CYP4B1: variants seen among roughly 807,000 people sequenced by gnomAD.
The protein encoded by CYP4B1 is cytochrome P450 family 4 subfamily B member 1.
In CYP4B1, 45 loss-of-function variants were observed where a neutral mutation model predicts 54.0. The ratio of observed to expected loss-of-function variants is 0.83; its 90% CI spans 0.66 to 1.07. The LOEUF (loss-of-function observed/expected upper bound fraction) is 1.07, where lower values mean the gene tolerates loss of function less well. CYP4B1 is among the 50% of genes least tolerant of loss of function. CYP4B1 has a pLI of 0.00. For synonymous variants in CYP4B1, 248 were observed against 247.5 expected, an observed-to-expected ratio of 1.00 and a Z score of -0.02; for missense variants, 656 against 655.4, an observed-to-expected ratio of 1.00 and a Z score of -0.01.
At chr1:46,808,287 C>T (rs892174319) in intron 1 of CYP4B1, among the ~76,000 whole-genome samples, 9 of 152,066 alleles carry the variant, frequency 5.9e-5, no homozygotes, top group Admixed American at 2.0e-4. Context: ...CCTATTTCTC[C>T]ACATCCTCTC....
chr1:46,809,040 A>T (rs1047105193), intron 1 of CYP4B1, among the ~76,000 whole-genome samples: 1 of 151,480 alleles, frequency 6.6e-6, no homozygotes, highest in Non-Finnish European at 1.5e-5. Flanking sequence ...TAGTGGGTGC[A>T]GCGCACCAGC....
intron 1 of CYP4B1, among the ~76,000 whole-genome samples, chr1:46,800,286 CTTCCTTCCTTCCTTCT>C (rs1482541936): frequency 5.0e-5 from 5 of 100,674 alleles, no homozygotes; most frequent in African/African-American, 1.8e-4. Flanking sequence ...TCCTTCCTTC[CTTCCTTCCTTCCTTCT>C]TTCCTTCCTT....
intron 4 of CYP4B1, 52 bp downstream of exon 4, chr1:46,812,675 C>A (rs771056108): frequency 1.0e-5 from 16 of 1,587,660 alleles, no homozygotes; most frequent in South Asian, 9.1e-5. Context: ...GGGCTAGCCC[C>A]TCTCCACCCT....
intron 8 of CYP4B1, among the ~76,000 whole-genome samples, chr1:46,816,799 T>C (rs899122378): frequency 6.6e-6 from 1 of 152,130 alleles, no homozygotes; most frequent in African/African-American, 2.4e-5. Flanking sequence ...CCTTCATCTC[T>C]AGGGTCCTGT....
Position 46,810,935 on chromosome 1 carries a change from T to C in CYP4B1, c.308T>C (p.Val103Ala), listed in dbSNP as rs1416474225. 3.1e-6 allele frequency: 5 copies of C among 1,613,942 alleles called. No individual in the cohort carries two copies. In the Middle Eastern group the frequency reaches 6.6e-4, roughly 213 times the overall value. The change falls in exon 2 of 12, where the codon GTG (valine) becomes GCG (alanine). Residue 103 changes from valine (V) to alanine (A), a missense_variant. Physicochemically the swap from Val to Ala is moderately conservative, Grantham distance 64. Coordinates refer to ENST00000371923, the MANE Select transcript of CYP4B1 (RefSeq NM_001099772.2). ...NIYEPDYAKA[V>A]YSRGDPKAPD... ...TATGAGCCTGACTATGCCAAAGCTGTGTACAGCCGTGGGGGTGAGGAGAGA... is the reference window on the plus strand; with the variant it reads ...TATGAGCCTGACTATGCCAAAGCTGCGTACAGCCGTGGGGGTGAGGAGAGA...
intron 5 of CYP4B1, 106 bp from the exon 6 acceptor site, chr1:46,813,803 A>C: frequency 6.8e-7 from 1 of 1,472,676 alleles, no homozygotes; most frequent in Non-Finnish European, 9.3e-7. Context: ...AGGGAGAAGA[A>C]GAGCAGGATG....
intron 3 of CYP4B1, among the ~76,000 whole-genome samples, chr1:46,811,959 G>T (rs1253886333): frequency 1.3e-5 from 2 of 152,162 alleles, no homozygotes; most frequent in African/African-American, 4.8e-5. Context: ...GATAAAATTA[G>T]AAGGCAGACA....
intron 4 of CYP4B1, among the ~76,000 whole-genome samples, chr1:46,813,213 C>A (rs1197470014): frequency 6.6e-6 from 1 of 152,224 alleles, no homozygotes. Context: ...CCCTTATAGG[C>A]TGCCCTGACT....
chr1:46,816,689 T>A (rs975705395), intron 8 of CYP4B1, among the ~76,000 whole-genome samples: 2 of 151,990 alleles, frequency 1.3e-5, no homozygotes, highest in Non-Finnish European at 2.9e-5. Context: ...TTCAGCTCAG[T>A]AGGGGAAACC....
chr1:46,808,088 G>A (rs1678931611), intron 1 of CYP4B1, among the ~76,000 whole-genome samples: 2 of 152,184 alleles, frequency 1.3e-5, no homozygotes, highest in Non-Finnish European at 1.5e-5. Context: ...CTATTCATGA[G>A]GAAGAGCAGA....
At chr1:46,810,610 G>A (rs45492601) in intron 1 of CYP4B1, among the ~76,000 whole-genome samples, 198 bp from the exon 2 acceptor site, 40 of 152,234 alleles carry the variant, frequency 2.6e-4, no homozygotes, top group Non-Finnish European at 4.3e-4. Flanking sequence ...AGAAGAGGGC[G>A]GCTTGGAATT....
At chr1:46,800,211 C>A in intron 1 of CYP4B1, among the ~76,000 whole-genome samples, 1 of 30,884 alleles carries the variant, frequency 3.2e-5, no homozygotes, top group Non-Finnish European at 1.3e-4. Context: ...TTCTTTCTTT[C>A]TTTCTCTTTC....
intron 8 of CYP4B1, among the ~76,000 whole-genome samples, chr1:46,816,174 A>G (rs963167533): frequency 1.3e-5 from 2 of 152,188 alleles, no homozygotes; most frequent in Non-Finnish European, 2.9e-5. Context: ...AAGAGAAGCC[A>G]TGCTGCTCGT....
chr1:46,816,976 G>T, intron 8 of CYP4B1, 72 bp from the exon 9 acceptor site: 1 of 1,570,068 alleles, frequency 6.4e-7, no homozygotes, highest in Non-Finnish European at 8.7e-7. Flanking sequence ...GGAAAACTGG[G>T]GCTGGGGTCT....
rs1471792845 is a variant in CYP4B1 at position 46,813,615 on chromosome 1, C to T, written c.620+9C>T. 11 of 1,613,596 alleles carry T rather than the reference C, an allele frequency of 6.8e-6. No individual in the cohort carries two copies. The highest frequency in any genetic ancestry group is 8.5e-6 in the Non-Finnish European group (10 of 1,180,006). Reference sequence around the variant, plus strand: ...ACCGGCCTGGGCCACAGGTCAGGAGCCACCTCGGGGCTGACCGCACTGTCT... The same window carrying T: ...ACCGGCCTGGGCCACAGGTCAGGAGTCACCTCGGGGCTGACCGCACTGTCT... On this transcript the variant is annotated intron_variant, in intron 5 of 11. Transcript: ENST00000371923.
chr1:46,812,161 G>A, intron 3 of CYP4B1: 1 of 485,894 alleles, frequency 2.1e-6, no homozygotes, highest in South Asian at 1.5e-5. Flanking sequence ...CTCCCCCTCT[G>A]CTTGGCTGTC....
rs1168455828 is a variant in CYP4B1, at chr1:46,810,794, T to C, written c.181-14T>C. 1.7e-5 allele frequency: 27 copies of C among 1,613,982 alleles called. No homozygotes were observed. Among genetic ancestry groups the C allele is most frequent in the Non-Finnish European group, 1.9e-5 (23 of 1,179,988 alleles). ...GTGTTCCTGAGTGACCTTGGCCTTC[T>C]GTCATCATTTCAGATCCAGGAGACG... On this transcript the variant is annotated splice_polypyrimidine_tract_variant and intron_variant, in intron 1 of 11. Coordinates refer to ENST00000371923, the MANE Select transcript of CYP4B1 (RefSeq NM_001099772.2).
intron 1 of CYP4B1, among the ~76,000 whole-genome samples, chr1:46,799,707 A>T (rs1479055014): frequency 6.6e-6 from 1 of 152,142 alleles, no homozygotes; most frequent in Non-Finnish European, 1.5e-5. Flanking sequence ...CATGAAGATG[A>T]GTACCGCCAC....
intron 1 of CYP4B1, among the ~76,000 whole-genome samples, chr1:46,807,891 CCTT>C: frequency 6.6e-6 from 1 of 152,330 alleles, no homozygotes; most frequent in Non-Finnish European, 1.5e-5. Context: ...ATGCCTGTGT[CCTT>C]CTTTAAGAAT....
Sources: allele counts gnomAD v4.1 joint callset (sites outside exome capture counted in the v4.1 genomes callset), GRCh38; gene constraint gnomAD v4.1.1; transcripts MANE v1.5; gene names NCBI Gene and HGNC (gene_info 2026-07-23, HGNC 2026-07-21).